Variants in ATRX observed in about 807,000 individuals in gnomAD.
ATRX encodes chromatin remodeler ATRX.
Under a neutral mutation model 172.6 loss-of-function variants are expected in ATRX, and 12 were observed. That is an observed-to-expected ratio of 0.07 (90% confidence interval 0.04 to 0.11). ATRX has a LOEUF of 0.11. Ranked by LOEUF, ATRX falls within the 10% of genes least tolerant of loss-of-function variation. The pLI is 1.00. For missense variants in ATRX, 1,368 were observed against 1,767.4 expected (o/e 0.77, Z 4.05); for synonymous variants, 674 against 594.7 (o/e 1.13, Z -1.94).
intron 2 of ATRX, among the ~76,000 whole-genome samples, chrX:77,708,337 T>C (rs1287948609): frequency 8.9e-6 from 1 of 112,484 alleles, no homozygotes; most frequent in African/African-American, 3.2e-5. Context: ...AAAACACGTA[T>C]TATATGATGC....
chrX:77,676,195 C>T, intron 10 of ATRX, 31 bp downstream of exon 10: 1 of 1,182,073 alleles, frequency 8.5e-7, no homozygotes, highest in Non-Finnish European at 1.1e-6. Flanking sequence ...GTGTTATAAT[C>T]TTTTTAAAGT....
intron 1 of ATRX, among the ~76,000 whole-genome samples, chrX:77,758,818 T>C (rs185328638): frequency 1.3e-3 from 140 of 111,918 alleles, no homozygotes; most frequent in African/African-American, 3.1e-3. Context: ...TGCTTTATAA[T>C]CTTTTCTTTC....
chrX:77,688,549 G>A (rs1215345574), intron 7 of ATRX, among the ~76,000 whole-genome samples: 3 of 111,288 alleles, frequency 2.7e-5, no homozygotes, highest in African/African-American at 9.8e-5. Flanking sequence ...TCACTTACCA[G>A]GCTGATTCTT....
intron 31 of ATRX, 96 bp downstream of exon 31, chrX:77,523,156 T>C: frequency 1.5e-5 from 16 of 1,070,437 alleles, no homozygotes; most frequent in Non-Finnish European, 1.9e-5. Flanking sequence ...ACCCACTATA[T>C]TATTATTACC....
chrX:77,616,558 T>C (rs1298035152), intron 22 of ATRX, 55 bp downstream of exon 22: 2 of 1,160,668 alleles, frequency 1.7e-6, no homozygotes, highest in African/African-American at 3.6e-5. Context: ...ATAATCTTCT[T>C]TGGAAAAAGA....
chrX:77,530,609 AAAACAAAC>A (rs201863728), intron 30 of ATRX, among the ~76,000 whole-genome samples: 56 of 83,587 alleles, frequency 6.7e-4, no homozygotes, highest in Non-Finnish European at 1.1e-3. Flanking sequence ...ACTCCGTCTC[AAAACAAAC>A]AAACAAACAA....
At chrX:77,633,903 A>G (rs1463342264) in intron 17 of ATRX, 191 bp from the exon 18 acceptor site, 3 of 435,744 alleles carry the variant, frequency 6.9e-6, no homozygotes, top group East Asian at 7.9e-5. Context: ...GGCTCTTCCA[A>G]CTCTAAAGCT....
chrX:77,698,505 G>A, intron 3 of ATRX, 69 bp downstream of exon 3: 2 of 979,207 alleles, frequency 2.0e-6, no homozygotes, highest in Non-Finnish European at 2.9e-6. Context: ...GTGTCCAGAA[G>A]CAATCTAAAG....
At chrX:77,601,659 C>T (rs1388463309) in intron 22 of ATRX, among the ~76,000 whole-genome samples, 4 of 111,184 alleles carry the variant, frequency 3.6e-5, no homozygotes, top group African/African-American at 1.3e-4. Context: ...TGCAAAAGAA[C>T]AAAACTGATT....
At chrX:77,527,269 G>T (rs1488492561) in intron 30 of ATRX, among the ~76,000 whole-genome samples, 8 of 111,741 alleles carry the variant, frequency 7.2e-5, no homozygotes, top group African/African-American at 2.6e-4. Flanking sequence ...CATGAAAAGG[G>T]GTGAATGAAT....
At chrX:77,594,011 A>G in intron 25 of ATRX, 162 bp from the exon 26 acceptor site, 2 of 457,557 alleles carry the variant, frequency 4.4e-6, no homozygotes, top group Non-Finnish European at 7.6e-6. Flanking sequence ...ACGCACATAC[A>G]GCACAGAAGG....
intron 10 of ATRX, among the ~76,000 whole-genome samples, chrX:77,671,168 ATATAT>A (rs1477462982): frequency 1.2e-4 from 1 of 8,521 alleles, no homozygotes; most frequent in African/African-American, 2.8e-4. Context: ...AAAAAAAAAA[ATATAT>A]ATATATATAT....
chrX:77,512,465 T>C (rs1321738002), intron 34 of ATRX, among the ~76,000 whole-genome samples: 2 of 112,986 alleles, frequency 1.8e-5, no homozygotes, highest in Non-Finnish European at 3.7e-5. Flanking sequence ...TTTGTTTGCT[T>C]GTTTATGCAA....
intron 1 of ATRX, chrX:77,785,717 G>A (rs1603353627): frequency 3.3e-6 from 2 of 605,362 alleles, no homozygotes; most frequent in African/African-American, 5.0e-5. Context: ...CCGACCAAGC[G>A]TCACCGTTTA....
chrX:77,671,874 A>ATCTTGAC lies in ATRX; in HGVS notation c.3809+4345_3809+4351dup, dbSNP rs782218853. On this transcript the variant is annotated intron_variant, in intron 10 of 34. Coordinates refer to ENST00000373344, the MANE Select transcript of ATRX (RefSeq NM_000489.6). ...AAGAAACACTGGTTATAATGTTTAA[A>ATCTTGAC]TCTTGACCATAGAAGGACAAAGGTC... is the stretch of plus-strand genomic sequence containing the variant. Among the ~76,000 whole-genome samples, 22 of 111,049 alleles carry ATCTTGAC rather than the reference A, an allele frequency of 2.0e-4. No homozygotes were observed. The South Asian group carries it at 8.3e-3, about 42-fold the overall frequency.
chrX:77,716,994 T>A lies in ATRX; in HGVS notation c.133+137A>T, dbSNP rs1424048618. The A allele has an allele frequency of 5.9e-5, 30 of 510,480 alleles. No homozygotes were observed. In the Middle Eastern group the frequency reaches 1.6e-3, roughly 28 times the overall value. The allele number at this position is 510,480 out of a possible 1,213,427, so 42.1% of individuals were successfully genotyped here. ...ACATAATAGGGGCTTCTATAAAGCT[T>A]GCTAATCTGTCATTTTCCACAAACT... On this transcript the variant is annotated intron_variant, in intron 2 of 34. Coordinates refer to ENST00000373344, the MANE Select transcript of ATRX (RefSeq NM_000489.6).
intron 7 of ATRX, among the ~76,000 whole-genome samples, chrX:77,687,120 T>C (rs1226088985): frequency 2.4e-5 from 2 of 82,275 alleles, no homozygotes; most frequent in Non-Finnish European, 4.3e-5. Context: ...GCCACTGTAC[T>C]CCAGCCTGGG....
chrX:77,587,848 C>A, intron 27 of ATRX, among the ~76,000 whole-genome samples: 1 of 111,574 alleles, frequency 9.0e-6, no homozygotes, highest in Non-Finnish European at 1.9e-5. Flanking sequence ...AGCAAAACAC[C>A]CCATGTTCAT....
intron 2 of ATRX, among the ~76,000 whole-genome samples, chrX:77,716,110 A>ATTTTTTTTTTTTTTT (rs199639051): frequency 3.7e-5 from 2 of 54,387 alleles, no homozygotes; most frequent in East Asian, 6.4e-4. Context: ...GTCTCTAAAA[A>ATTTTTTTTTTTTTTT]TTTTTTTTTT....
Sources: allele counts gnomAD v4.1 joint callset (sites outside exome capture counted in the v4.1 genomes callset), GRCh38; gene constraint gnomAD v4.1.1; transcripts MANE v1.5; gene names NCBI Gene and HGNC (gene_info 2026-07-23, HGNC 2026-07-21).